DLC1: variants seen among roughly 807,000 people sequenced by gnomAD.
DLC1 encodes the protein rho GTPase-activating protein 7.
Under a neutral mutation model 140.3 loss-of-function variants are expected in DLC1, and 54 were observed. The observed-to-expected ratio is 0.38, with a 90% confidence interval of 0.31 to 0.48. The LOEUF is 0.48. Ranked by LOEUF, DLC1 falls within the 20% of genes least tolerant of loss-of-function variation. DLC1 has a pLI of 0.96. For missense variants in DLC1, 2,536 were observed against 1,907.0 expected (o/e 1.33, Z -6.14); for synonymous variants, 986 against 728.1 (o/e 1.35, Z -5.70).
chr8:13,381,066 T>C (rs1480248766), intron 4 of DLC1, among the ~76,000 whole-genome samples: 1 of 152,134 alleles, frequency 6.6e-6, no homozygotes, highest in African/African-American at 2.4e-5. Context: ...GTCCCTGTAG[T>C]GTGGGAGACA....
intron 5 of DLC1, among the ~76,000 whole-genome samples, chr8:13,292,125 T>G (rs1282727337): frequency 6.6e-6 from 1 of 152,194 alleles, no homozygotes; most frequent in East Asian, 1.9e-4. Flanking sequence ...TTTCTTTTTT[T>G]AAAAAGTTGG....
At chr8:13,123,627 T>G (rs1821307341) in intron 5 of DLC1, among the ~76,000 whole-genome samples, 1 of 152,100 alleles carries the variant, frequency 6.6e-6, no homozygotes, top group Admixed American at 6.5e-5. Context: ...GTGGGATGAC[T>G]GGCGTGGGCC....
At chr8:13,395,062 A>G (rs1466047092) in intron 3 of DLC1, among the ~76,000 whole-genome samples, 1 of 151,084 alleles carries the variant, frequency 6.6e-6, no homozygotes, top group East Asian at 1.9e-4. Flanking sequence ...TTAGGTACCT[A>G]TCTACCATCT....
At chr8:13,235,775 T>C (rs1829249061) in intron 5 of DLC1, among the ~76,000 whole-genome samples, 1 of 151,986 alleles carries the variant, frequency 6.6e-6, no homozygotes. Flanking sequence ...ATAAGTTAAT[T>C]TGGACAAATT....
chr8:13,581,392 T>C (rs926443467), intron 1 of DLC1, among the ~76,000 whole-genome samples: 7 of 152,172 alleles, frequency 4.6e-5, no homozygotes, highest in Admixed American at 4.6e-4. Flanking sequence ...CCTGTCTCTG[T>C]TCCAGCCTTC....
At chr8:13,481,722 G>A (rs1800746802) in intron 2 of DLC1, among the ~76,000 whole-genome samples, 1 of 152,148 alleles carries the variant, frequency 6.6e-6, no homozygotes, top group African/African-American at 2.4e-5. Flanking sequence ...TTCTTATGTT[G>A]AAATGTTATC....
At chr8:13,546,626 C>T (rs1341301067) in intron 1 of DLC1, among the ~76,000 whole-genome samples, 1 of 152,068 alleles carries the variant, frequency 6.6e-6, no homozygotes, top group Non-Finnish European at 1.5e-5. Flanking sequence ...AAGGAAAAAC[C>T]AGGGCCCTCT....
In DLC1 at chr8:13,179,334, G is replaced by A. The variant is rs181887020; in HGVS notation, c.1349-63677C>T. 6.8e-4 allele frequency among the ~76,000 whole-genome samples: 103 copies of A among 152,120 alleles called. No individual in the cohort carries two copies. In the East Asian group the frequency reaches 7.7e-3, roughly 11 times the overall value. On this transcript the variant is annotated intron_variant, in intron 5 of 17. Transcript: ENST00000276297. ...TTGGTAATGTTTTGTTTCTTGATGC[G>A]GGTTTTAGTTAAAGAGGTATGTTCA...
chr8:13,296,746 C>T (rs1332337012), intron 5 of DLC1, among the ~76,000 whole-genome samples: 1 of 151,596 alleles, frequency 6.6e-6, no homozygotes. Context: ...CCTGATATAG[C>T]ATAAAATTCA....
At chr8:13,554,910 G>T (rs182543632) in intron 1 of DLC1, among the ~76,000 whole-genome samples, 1 of 152,190 alleles carries the variant, frequency 6.6e-6, no homozygotes, top group Admixed American at 6.5e-5. Context: ...GGCCCTACAT[G>T]ATTGGGTTTT....
intron 1 of DLC1, among the ~76,000 whole-genome samples, chr8:13,575,329 A>G (rs4294186): frequency 0.27 from 40,288 of 151,988 alleles, 6,057 homozygotes; most frequent in Non-Finnish European, 0.35. Flanking sequence ...TTATTTACTT[A>G]CGTAATGAGG....
At chr8:13,242,832 A>C (rs1336594365) in intron 5 of DLC1, among the ~76,000 whole-genome samples, 1 of 152,004 alleles carries the variant, frequency 6.6e-6, no homozygotes, top group East Asian at 1.9e-4. Context: ...TATTACTTTA[A>C]CATTTTTAGC....
At chr8:13,331,683 A>G (rs975004545) in intron 4 of DLC1, among the ~76,000 whole-genome samples, 5 of 152,160 alleles carry the variant, frequency 3.3e-5, no homozygotes, top group African/African-American at 1.2e-4. Context: ...AAAATAAAAA[A>G]AAAAATCCCC....
In DLC1 at chr8:13,499,708, T is replaced by C. The variant is rs1324245446; in HGVS notation, c.364A>G (p.Thr122Ala). 2 of 1,614,172 alleles carry C rather than the reference T, an allele frequency of 1.2e-6. No individual in the cohort carries two copies. The highest frequency in any genetic ancestry group is 1.7e-5 in the Admixed American group (1 of 60,024). The change falls in exon 2 of 18, where the codon ACA (threonine) becomes GCA (alanine). Residue 122 changes from threonine to alanine, a missense_variant. Transcript: ENST00000276297. The stretch of plus-strand genomic sequence containing the variant: ...GTATTTAAAACCTGTTTATCATCTG[T>C]AAGGCATAAATCAGCATTGTTATCC... ...DEDNNADLCL[T>A]DDKQVLNTQG... is the part of the protein sequence containing the mutation.
At position 13,333,099 on chromosome 8, in the gene DLC1, T is replaced by C. The variant is rs1671369; in HGVS notation, c.1315-27797A>G. On this transcript the variant is annotated intron_variant, in intron 4 of 17. Coordinates refer to ENST00000276297, the MANE Select transcript of DLC1 (RefSeq NM_182643.3). ...TTTTTCATATTGCACTTACTACTTATATAAATTGTTTAAATTATTTTTTCT... is the reference window on the plus strand; with the variant it reads ...TTTTTCATATTGCACTTACTACTTACATAAATTGTTTAAATTATTTTTTCT... 2.4e-3 allele frequency among the ~76,000 whole-genome samples: 373 copies of C among 152,354 alleles called. 3 individuals are homozygous for C. Among genetic ancestry groups the C allele is most frequent in the African/African-American group, 8.4e-3 (349 of 41,578 alleles).
chr8:13,136,284 G>A (rs1376005548), intron 5 of DLC1, among the ~76,000 whole-genome samples: 1 of 152,068 alleles, frequency 6.6e-6, no homozygotes, highest in East Asian at 1.9e-4. Flanking sequence ...AGTCACCCAG[G>A]TACTAATCAT....
chr8:13,223,339 C>T (rs955124662), intron 5 of DLC1, among the ~76,000 whole-genome samples: 2 of 152,144 alleles, frequency 1.3e-5, no homozygotes, highest in African/African-American at 2.4e-5. Context: ...CCTCTTCGCA[C>T]GTAATCTAGC....
intron 2 of DLC1, among the ~76,000 whole-genome samples, chr8:13,468,811 CTTTTTTTT>C (rs78775803): frequency 1.1e-5 from 1 of 89,964 alleles, no homozygotes; most frequent in Non-Finnish European, 2.0e-5. Flanking sequence ...TTTATGTCTG[CTTTTTTTT>C]TTTTTTTTTT....
chr8:13,518,448 A>G (rs17094449), upstream of DLC1, among the ~76,000 whole-genome samples: 10,008 of 152,260 alleles, frequency 0.066, 891 homozygotes, highest in East Asian at 0.4. Context: ...TACCTAAACA[A>G]TAAACATTAG....
Sources: allele counts gnomAD v4.1 joint callset (sites outside exome capture counted in the v4.1 genomes callset), GRCh38; gene constraint gnomAD v4.1.1; transcripts MANE v1.5; gene names NCBI Gene and HGNC (gene_info 2026-07-23, HGNC 2026-07-21).